Variants in RBFOX1 observed in about 807,000 individuals in gnomAD.
RBFOX1 encodes the protein RNA binding protein fox-1 homolog 1.
RBFOX1 carries 8 observed loss-of-function variants against 57.7 expected under a neutral mutation model. The observed-to-expected ratio is 0.14, with a 90% CI of 0.08 to 0.25. The LOEUF is 0.25. RBFOX1 is among the 10% of genes least tolerant of loss of function. The probability of loss-of-function intolerance (pLI) is 1.00; values close to 1 mark genes in which losing one functional copy is unlikely to be tolerated. For missense variants in RBFOX1, 611 were observed against 548.5 expected (o/e 1.11, Z -1.14); for synonymous variants, 326 against 222.4 (o/e 1.47, Z -4.15).
At chr16:6,904,062 G>C (rs2069145319) in intron 3 of RBFOX1, among the ~76,000 whole-genome samples, 1 of 152,134 alleles carries the variant, frequency 6.6e-6, no homozygotes, top group African/African-American at 2.4e-5. Context: ...CTACCCCCAT[G>C]GGGGCTGTGC....
chr16:5,939,936 G>A (rs992402189), intron 4 of RBFOX1, among the ~76,000 whole-genome samples: 1 of 152,198 alleles, frequency 6.6e-6, no homozygotes, highest in South Asian at 2.1e-4. Context: ...CTTGACTCTA[G>A]AGCCTACTAG....
chr16:6,634,962 A>G (rs975919786), intron 2 of RBFOX1, among the ~76,000 whole-genome samples: 1 of 141,382 alleles, frequency 7.1e-6, no homozygotes, highest in Non-Finnish European at 1.5e-5. Flanking sequence ...TATAATTATT[A>G]CATATATTAT....
chr16:5,334,399 A>G (rs1479316956), intron 1 of RBFOX1, among the ~76,000 whole-genome samples: 1 of 152,148 alleles, frequency 6.6e-6, no homozygotes, highest in Non-Finnish European at 1.5e-5. Context: ...TGCTTGTTCA[A>G]GATGGCTATG....
intron 4 of RBFOX1, among the ~76,000 whole-genome samples, chr16:7,144,670 T>C (rs557293022): frequency 3.2e-4 from 48 of 152,204 alleles, no homozygotes; most frequent in Admixed American, 2.9e-3. Context: ...ATTCATTAAA[T>C]GATGGTTTTC....
chr16:5,545,854 T>C (rs963889099), intron 2 of RBFOX1, among the ~76,000 whole-genome samples: 9 of 152,058 alleles, frequency 5.9e-5, no homozygotes, highest in African/African-American at 2.2e-4. Context: ...GAGAAATGAA[T>C]AAAACCCAGA....
intron 2 of RBFOX1, among the ~76,000 whole-genome samples, chr16:6,422,048 G>C (rs1277334452): frequency 8.4e-6 from 1 of 118,688 alleles, no homozygotes; most frequent in East Asian, 2.3e-4. Context: ...AGCCTCCCGA[G>C]TAGGTGGGAT....
intron 3 of RBFOX1, among the ~76,000 whole-genome samples, chr16:5,613,195 A>G (rs755338716): frequency 2.6e-5 from 4 of 152,196 alleles, no homozygotes; most frequent in Non-Finnish European, 5.9e-5. Context: ...GTTGACATGG[A>G]CAAATCTTCC....
At chr16:7,639,067 T>C (rs1597091163) in intron 11 of RBFOX1, among the ~76,000 whole-genome samples, 2 of 152,184 alleles carry the variant, frequency 1.3e-5, no homozygotes, top group South Asian at 2.1e-4. Flanking sequence ...ATTTAAATGA[T>C]ACAAAATGAT....
At chr16:6,860,212 T>C (rs1430916422) in intron 3 of RBFOX1, among the ~76,000 whole-genome samples, 2 of 152,242 alleles carry the variant, frequency 1.3e-5, no homozygotes, top group Non-Finnish European at 2.9e-5. Context: ...TTCAACAATA[T>C]ATATTGAATG....
chr16:5,826,620 C>T (rs917531033), intron 3 of RBFOX1, among the ~76,000 whole-genome samples: 11 of 152,178 alleles, frequency 7.2e-5, no homozygotes, highest in Admixed American at 2.0e-4. Context: ...GGCTTGCAGG[C>T]AATAGTTTGC....
chr16:7,561,311 A>G (rs905193779), intron 5 of RBFOX1, among the ~76,000 whole-genome samples: 1 of 152,174 alleles, frequency 6.6e-6, no homozygotes, highest in African/African-American at 2.4e-5. Context: ...ATGCCCAACT[A>G]TTCACTCTAT....
intron 4 of RBFOX1, among the ~76,000 whole-genome samples, chr16:7,299,020 A>G (rs146345991): frequency 2.0e-5 from 3 of 152,312 alleles, no homozygotes; most frequent in Non-Finnish European, 4.4e-5. Flanking sequence ...TGTATCATGT[A>G]TCTACCTCAA....
chr16:6,363,188 A>G (rs1307634167), intron 2 of RBFOX1, among the ~76,000 whole-genome samples: 1 of 152,216 alleles, frequency 6.6e-6, no homozygotes, highest in Non-Finnish European at 1.5e-5. Context: ...AAATATAGAA[A>G]CTGTCAACTT....
At chr16:7,001,792 A>G (rs1016922043) in intron 3 of RBFOX1, among the ~76,000 whole-genome samples, 2 of 152,060 alleles carry the variant, frequency 1.3e-5, no homozygotes, top group African/African-American at 4.8e-5. Flanking sequence ...CAGAACCAGG[A>G]GGCAGCTCAA....
At chr16:5,903,222 C>G (rs1384700360) in intron 4 of RBFOX1, among the ~76,000 whole-genome samples, 1 of 152,158 alleles carries the variant, frequency 6.6e-6, no homozygotes, top group Non-Finnish European at 1.5e-5. Context: ...GTCTCCTAAA[C>G]TAACACCTGC....
At chr16:7,305,113 G>A (rs932196802) in intron 4 of RBFOX1, among the ~76,000 whole-genome samples, 50 of 151,862 alleles carry the variant, frequency 3.3e-4, no homozygotes, top group Admixed American at 1.3e-3. Flanking sequence ...GCATGTGTTA[G>A]GGTGTTTGTG....
At chr16:6,248,528 A>C (rs563880240) in intron 1 of RBFOX1, among the ~76,000 whole-genome samples, 15 of 152,272 alleles carry the variant, frequency 9.9e-5, no homozygotes, top group African/African-American at 3.6e-4. Context: ...GCTCATTGTC[A>C]TGGCGGATGA....
intron 3 of RBFOX1, among the ~76,000 whole-genome samples, chr16:6,951,308 G>T (rs1257252008): frequency 6.6e-6 from 1 of 152,110 alleles, no homozygotes; most frequent in Non-Finnish European, 1.5e-5. Context: ...TCTGTAGGCT[G>T]GATACTGGAG....
chr16:5,681,749 AG>A (rs749574882), intron 3 of RBFOX1, among the ~76,000 whole-genome samples: 36 of 152,106 alleles, frequency 2.4e-4, no homozygotes, highest in Admixed American at 3.9e-4. Context: ...AAGAACGAGA[AG>A]GGGATATTTC....
Sources: gnomAD v4.1 joint callset for allele counts (sites outside exome capture counted in the v4.1 genomes callset) on GRCh38, gnomAD v4.1.1 for gene constraint, MANE v1.5 for transcripts, NCBI Gene and HGNC (gene_info 2026-07-23, HGNC 2026-07-21) for gene names.